Variants in NOX4 observed in about 807,000 individuals in gnomAD.
The protein encoded by NOX4 is NADPH oxidase 4, also known as kidney oxidase-1.
In NOX4, 69 loss-of-function variants were observed where a neutral mutation model predicts 87.6. The observed-to-expected ratio is 0.79, with a 90% CI of 0.65 to 0.96. The LOEUF is 0.96. Among genes scored for constraint, NOX4 ranks in the 40% least tolerant of loss-of-function variants. The pLI, the probability that NOX4 is intolerant of heterozygous loss-of-function variation, is 0.00. For synonymous variants in NOX4, 275 were observed against 238.2 expected, an observed-to-expected ratio of 1.15 and a Z score of -1.42; for missense variants, 680 against 681.5, an observed-to-expected ratio of 1.00 and a Z score of 0.02.
At chr11:89,348,259 G>A (rs558270560) in intron 13 of NOX4, among the ~76,000 whole-genome samples, 11 of 151,908 alleles carry the variant, frequency 7.2e-5, no homozygotes, top group South Asian at 6.2e-4. Flanking sequence ...TACTAAAAAC[G>A]CAAAAATTAG....
chr11:89,540,316 G>C, the NOX4 span, among the ~76,000 whole-genome samples: 1 of 151,994 alleles, frequency 6.6e-6, no homozygotes, highest in Admixed American at 6.6e-5. Context: ...TGCCAGCTGG[G>C]TACTTCTTTC....
chr11:89,526,868 G>T, the NOX4 span, among the ~76,000 whole-genome samples: 1 of 152,156 alleles, frequency 6.6e-6, no homozygotes, highest in Non-Finnish European at 1.5e-5. Context: ...TTGCTATAAA[G>T]ATGCCCAAAA....
the NOX4 span, among the ~76,000 whole-genome samples, chr11:89,580,653 T>TG: frequency 0.016 from 2,484 of 152,286 alleles, 55 homozygotes; most frequent in African/African-American, 0.053. Flanking sequence ...TCACTCTATT[T>TG]GGGGAATTAT....
rs576715978 is a variant in NOX4 at position 89,476,227 on chromosome 11, A to AT, written c.153+14230dup. 7.0e-4 allele frequency among the ~76,000 whole-genome samples: 107 copies of AT among 152,054 alleles called. 1 individual carries two copies. The highest frequency in any genetic ancestry group is 2.5e-3 in the African/African-American group (103 of 41,498). Reference sequence around the variant, plus strand: ...CTATCCTTTTAATGTTCTCTTTTATATTTTTTATTCCATTGCCTAGTACTC... The same window carrying AT: ...CTATCCTTTTAATGTTCTCTTTTATATTTTTTTATTCCATTGCCTAGTACTC... On this transcript the variant is annotated intron_variant, in intron 2 of 17. Transcript: ENST00000263317.
the NOX4 span, among the ~76,000 whole-genome samples, chr11:89,578,585 G>A: frequency 6.6e-6 from 1 of 152,108 alleles, no homozygotes; most frequent in African/African-American, 2.4e-5. Context: ...TTCTACATGA[G>A]ATAATATAGC....
At chr11:89,417,739 T>C (rs1179126078) in intron 8 of NOX4, among the ~76,000 whole-genome samples, 3 of 152,126 alleles carry the variant, frequency 2.0e-5, no homozygotes, top group Admixed American at 6.6e-5. Flanking sequence ...GTATTGGTAC[T>C]AGTATAATTT....
chr11:89,356,488 T>C (rs1161459294), intron 12 of NOX4, among the ~76,000 whole-genome samples: 1 of 152,046 alleles, frequency 6.6e-6, no homozygotes, highest in African/African-American at 2.4e-5. Flanking sequence ...TTACGTTGCA[T>C]AGCTATCTGC....
the NOX4 span, among the ~76,000 whole-genome samples, chr11:89,572,425 T>C: frequency 1.3e-5 from 2 of 152,270 alleles, no homozygotes; most frequent in African/African-American, 4.8e-5. Flanking sequence ...TTTCAGTCCT[T>C]TGAATTTTAT....
intron 8 of NOX4, among the ~76,000 whole-genome samples, chr11:89,406,940 T>C (rs565712863): frequency 1.3e-5 from 2 of 152,080 alleles, no homozygotes; most frequent in East Asian, 1.9e-4. Flanking sequence ...CTGAAGGATG[T>C]AGAGATTCCA....
intron 2 of NOX4, among the ~76,000 whole-genome samples, chr11:89,474,542 T>C (rs541369968): frequency 3.8e-4 from 58 of 151,172 alleles, no homozygotes; most frequent in African/African-American, 1.1e-3. Flanking sequence ...TATGGCATTA[T>C]GGTGCACTAT....
the NOX4 span, among the ~76,000 whole-genome samples, chr11:89,579,544 T>C: frequency 6.6e-6 from 1 of 151,912 alleles, no homozygotes; most frequent in Admixed American, 6.6e-5. Flanking sequence ...ACCTGTAAAA[T>C]AGCCATAGAA....
At chr11:89,338,918 A>C (rs1430757068) in intron 15 of NOX4, among the ~76,000 whole-genome samples, 1 of 152,068 alleles carries the variant, frequency 6.6e-6, no homozygotes, top group African/African-American at 2.4e-5. Context: ...TCCTAACCTG[A>C]ATCTCAGAAC....
At chr11:89,574,496 G>A in the NOX4 span, among the ~76,000 whole-genome samples, 1 of 152,154 alleles carries the variant, frequency 6.6e-6, no homozygotes, top group Non-Finnish European at 1.5e-5. Context: ...GTTATAAGAT[G>A]ACATAAGGAA....
intron 2 of NOX4, among the ~76,000 whole-genome samples, chr11:89,459,341 T>C (rs904544819): frequency 4.6e-5 from 7 of 152,072 alleles, no homozygotes; most frequent in African/African-American, 1.7e-4. Flanking sequence ...AACTATGTGG[T>C]ACTATGCTTA....
intron 2 of NOX4, among the ~76,000 whole-genome samples, chr11:89,461,647 A>AAAAAAAATAAATAAATAAAT (rs143756693): frequency 6.9e-6 from 1 of 145,634 alleles, no homozygotes. Flanking sequence ...TCCATCTCAA[A>AAAAAAAATAAATAAATAAAT]AAATAAATAA....
chr11:89,534,140 G>A, the NOX4 span: 1 of 152,346 alleles, frequency 6.6e-6, no homozygotes, highest in Non-Finnish European at 1.5e-5. Context: ...TCTGTGATTA[G>A]ACAAGGCAGG....
chr11:89,434,963 G>A (rs1379825361), intron 6 of NOX4, among the ~76,000 whole-genome samples: 1 of 151,974 alleles, frequency 6.6e-6, no homozygotes, highest in Non-Finnish European at 1.5e-5. Flanking sequence ...GCTAGGAGGG[G>A]TAGAGGGCAA....
chr11:89,437,001 C>T (rs189172004), intron 6 of NOX4, among the ~76,000 whole-genome samples: 3 of 151,840 alleles, frequency 2.0e-5, no homozygotes. Flanking sequence ...AATTCCAACA[C>T]ACAGAGATAG....
At chr11:89,406,043 T>C (rs889909328) in intron 8 of NOX4, among the ~76,000 whole-genome samples, 3 of 152,160 alleles carry the variant, frequency 2.0e-5, no homozygotes, top group African/African-American at 7.2e-5. Flanking sequence ...ATCAAACCAA[T>C]ACTTTTATGT....
Sources: gnomAD v4.1 joint callset for allele counts (sites outside exome capture counted in the v4.1 genomes callset) on GRCh38, gnomAD v4.1.1 for gene constraint, MANE v1.5 for transcripts, NCBI Gene and HGNC (gene_info 2026-07-23, HGNC 2026-07-21) for gene names.